RBFOX1: variants seen among roughly 807,000 people sequenced by gnomAD.
RBFOX1 encodes the protein RNA binding protein fox-1 homolog 1.
RBFOX1 carries 8 observed loss-of-function variants against 57.7 expected under a neutral mutation model. That is an observed-to-expected ratio of 0.14 (90% CI 0.08 to 0.25). The LOEUF (loss-of-function observed/expected upper bound fraction) is 0.25. RBFOX1 is among the 10% of genes least tolerant of loss of function. RBFOX1 has a pLI of 1.00. For missense variants in RBFOX1, 611 were observed against 548.5 expected, an observed-to-expected ratio of 1.11 and a Z score of -1.14; for synonymous variants, 326 against 222.4, an observed-to-expected ratio of 1.47 and a Z score of -4.15.
At chr16:7,293,149 C>T (rs891940335) in intron 4 of RBFOX1, among the ~76,000 whole-genome samples, 7 of 152,166 alleles carry the variant, frequency 4.6e-5, no homozygotes, top group Non-Finnish European at 7.4e-5. Flanking sequence ...ATTCAGTCAA[C>T]TGCAGATCAA....
intron 1 of RBFOX1, among the ~76,000 whole-genome samples, chr16:6,112,121 A>C (rs1392073147): frequency 6.6e-6 from 1 of 152,180 alleles, no homozygotes; most frequent in African/African-American, 2.4e-5. Flanking sequence ...GGTATATTCC[A>C]GACCAATTAG....
rs147775038 is a variant in RBFOX1, at chr16:7,282,622, G to A, written c.27+230524G>A. Among the ~76,000 whole-genome samples, 27 of 152,068 alleles carry A rather than the reference G, an allele frequency of 1.8e-4. No individual in the cohort carries two copies. The East Asian group carries it at 4.7e-3, about 26-fold the overall frequency. On this transcript the variant is annotated intron_variant, in intron 4 of 15. Coordinates refer to ENST00000550418, the MANE Select transcript of RBFOX1 (RefSeq NM_018723.4). ...TCCATAGGTTATTGGGGGAACAGGTGGTGTTTGATTTCATAAGTTCTTCAG... is the reference window on the plus strand; with the variant it reads ...TCCATAGGTTATTGGGGGAACAGGTAGTGTTTGATTTCATAAGTTCTTCAG...
At chr16:7,276,416 T>C (rs2095441340) in intron 4 of RBFOX1, among the ~76,000 whole-genome samples, 1 of 152,210 alleles carries the variant, frequency 6.6e-6, no homozygotes, top group African/African-American at 2.4e-5. Flanking sequence ...TGGACATCCA[T>C]TAGAATGACA....
intron 1 of RBFOX1, among the ~76,000 whole-genome samples, chr16:5,418,779 G>C (rs475603): frequency 0.88 from 134,429 of 152,160 alleles, 59,712 homozygotes; most frequent in East Asian, 1. Context: ...CCTTCTGCAC[G>C]ATTTATGGAG....
chr16:6,684,546 A>G (rs1228046960), intron 3 of RBFOX1, among the ~76,000 whole-genome samples: 2 of 152,166 alleles, frequency 1.3e-5, no homozygotes, highest in African/African-American at 2.4e-5. Flanking sequence ...GCATGGAGCT[A>G]TCAATTACTT....
intron 1 of RBFOX1, among the ~76,000 whole-genome samples, chr16:5,332,422 C>A (rs2064780770): frequency 6.6e-6 from 1 of 151,866 alleles, no homozygotes; most frequent in Non-Finnish European, 1.5e-5. Context: ...CCACCATGCC[C>A]AGCTGATTTT....
At chr16:7,071,590 TGTGTG>T (rs2057350473) in intron 4 of RBFOX1, among the ~76,000 whole-genome samples, 2 of 7,390 alleles carry the variant, frequency 2.7e-4, no homozygotes, top group Admixed American at 2.5e-3. Context: ...CCCAGATATG[TGTGTG>T]TGTGTGTGTG....
intron 1 of RBFOX1, among the ~76,000 whole-genome samples, chr16:5,392,292 T>A (rs1213356839): frequency 6.6e-6 from 1 of 151,924 alleles, no homozygotes; most frequent in East Asian, 1.9e-4. Context: ...AATAAAAAAA[T>A]TACTTAAAAA....
chr16:6,539,836 C>G (rs903076659), intron 2 of RBFOX1, among the ~76,000 whole-genome samples: 3 of 151,526 alleles, frequency 2.0e-5, no homozygotes, highest in African/African-American at 7.3e-5. Context: ...CACACACACA[C>G]AGACTTTAGA....
chr16:6,471,086 C>T (rs1043070812), intron 2 of RBFOX1, among the ~76,000 whole-genome samples: 4 of 152,122 alleles, frequency 2.6e-5, no homozygotes. Context: ...ACACATGGGC[C>T]CCTTTATCAT....
rs1165707186 is a variant in RBFOX1, at chr16:7,690,068, CCTTGAATCT to C, written c.995+13239_995+13247del. 1.4e-4 allele frequency among the ~76,000 whole-genome samples: 21 copies of C among 152,222 alleles called. No individual in the cohort carries two copies. The East Asian group carries it at 2.9e-3, about 21-fold the overall frequency. On this transcript the variant is annotated intron_variant, in intron 14 of 15. Transcript: ENST00000550418. ...TTGAATCCCTTCCTTGAATCCACTT[CCTTGAATCT>C]CTTGAATCCCTCTGCCTTGGTGCCA...
chr16:6,942,756 G>A (rs1351029988), intron 3 of RBFOX1, among the ~76,000 whole-genome samples: 1 of 152,140 alleles, frequency 6.6e-6, no homozygotes, highest in Non-Finnish European at 1.5e-5. Context: ...AGACTCACAA[G>A]CAGGTAAAAA....
chr16:6,268,638 G>A (rs1330714993), intron 1 of RBFOX1, among the ~76,000 whole-genome samples: 2 of 152,192 alleles, frequency 1.3e-5, no homozygotes, highest in Non-Finnish European at 2.9e-5. Context: ...GCATCGAACA[G>A]TTATTATATG....
At chr16:6,535,978 C>A (rs554234182) in intron 2 of RBFOX1, among the ~76,000 whole-genome samples, 2 of 152,122 alleles carry the variant, frequency 1.3e-5, no homozygotes, top group Non-Finnish European at 2.9e-5. Flanking sequence ...TTCTATCCAA[C>A]GACTTCATAT....
intron 2 of RBFOX1, among the ~76,000 whole-genome samples, chr16:6,556,392 G>A (rs1300024108): frequency 6.6e-6 from 1 of 152,110 alleles, no homozygotes; most frequent in Non-Finnish European, 1.5e-5. Context: ...TCTGATGATG[G>A]CAAATGTTGA....
Position 6,618,502 on chromosome 16 carries a change from C to G in RBFOX1, c.-63-36101C>G, listed in dbSNP as rs149758990. 1.5e-3 allele frequency among the ~76,000 whole-genome samples: 236 copies of G among 152,292 alleles called. 1 individual carries two copies. Among genetic ancestry groups the G allele is most frequent in the African/African-American group, 5.5e-3 (229 of 41,554 alleles). On this transcript the variant is annotated intron_variant, in intron 2 of 15. Coordinates refer to ENST00000550418, the MANE Select transcript of RBFOX1 (RefSeq NM_018723.4). ...CTTCCTGATGTTCATTATACATTTACCACTAGGCGTTTAATGTGGATTTTG... is the reference window on the plus strand; with the variant it reads ...CTTCCTGATGTTCATTATACATTTAGCACTAGGCGTTTAATGTGGATTTTG...
intron 4 of RBFOX1, among the ~76,000 whole-genome samples, chr16:7,481,820 C>T (rs1290639998): frequency 6.6e-6 from 1 of 152,122 alleles, no homozygotes; most frequent in East Asian, 1.9e-4. Context: ...GCCTAGCCTG[C>T]CTTAAAAGTT....
At chr16:6,756,224 G>C (rs76939299) in intron 3 of RBFOX1, among the ~76,000 whole-genome samples, 2,775 of 152,190 alleles carry the variant, frequency 0.018, 89 homozygotes, top group African/African-American at 0.063. Flanking sequence ...ATTGGGGAAA[G>C]GACACCCTCT....
At chr16:7,170,132 C>G (rs746480624) in intron 4 of RBFOX1, among the ~76,000 whole-genome samples, 10 of 152,124 alleles carry the variant, frequency 6.6e-5, no homozygotes, top group Non-Finnish European at 1.0e-4. Flanking sequence ...ATTAATATAT[C>G]TTATGTTTTG....
Sources: allele counts gnomAD v4.1 joint callset (sites outside exome capture counted in the v4.1 genomes callset), GRCh38; gene constraint gnomAD v4.1.1; transcripts MANE v1.5; gene names NCBI Gene and HGNC (gene_info 2026-07-23, HGNC 2026-07-21).